Variants in THUMPD3 observed in about 807,000 individuals in gnomAD.
THUMPD3 encodes THUMP domain 3 tRNA guanosine methyltransferase.
Under a neutral mutation model 54.5 loss-of-function variants are expected in THUMPD3, and 44 were observed. The observed-to-expected ratio is 0.81, with a 90% CI of 0.63 to 1.04. The LOEUF is 1.04. Among genes scored for constraint, THUMPD3 ranks in the 50% least tolerant of loss-of-function variants. The pLI is 0.00. For missense variants in THUMPD3, 604 were observed against 601.3 expected (o/e 1.00, Z -0.05); for synonymous variants, 196 against 201.4 (o/e 0.97, Z 0.23).
Position 9,384,336 on chromosome 3 carries a change from G to T in THUMPD3, c.1359+1G>T, listed in dbSNP as rs1029977423. ...TCAAGACACAAAATGCTTTACCAAG[G>T]TGCTATACACATTAGCTCAAAATCG... On this transcript the variant is annotated splice_donor_variant, in intron 9 of 9. Transcript: ENST00000452837. LOFTEE classifies it high-confidence loss of function. 3 of 1,612,504 alleles carry T rather than the reference G, an allele frequency of 1.9e-6. No individual in the cohort carries two copies. Among genetic ancestry groups the T allele is most frequent in the Admixed American group, 1.7e-5 (1 of 59,630 alleles).
At chr3:9,378,274 A>G (rs559140030) in intron 6 of THUMPD3, among the ~76,000 whole-genome samples, 1 of 152,350 alleles carries the variant, frequency 6.6e-6, no homozygotes, top group African/African-American at 2.4e-5. Context: ...CCTAGAGGGA[A>G]TAAGTATAGT....
chr3:9,379,958 G>T (rs575365135), intron 6 of THUMPD3, among the ~76,000 whole-genome samples: 226 of 152,204 alleles, frequency 1.5e-3, no homozygotes, highest in African/African-American at 5.0e-3. Context: ...CCAAAGTGCT[G>T]GGATTTCAGG....
chr3:9,381,976 GT>G (rs745676510), intron 7 of THUMPD3, among the ~76,000 whole-genome samples: 1 of 150,984 alleles, frequency 6.6e-6, no homozygotes, highest in Admixed American at 6.6e-5. Flanking sequence ...GTAGAGACGG[GT>G]TTTCACCATG....
Position 9,377,866 on chromosome 3 carries a change from G to A in THUMPD3, c.986G>A (p.Gly329Glu). ...GATATAATAGTCGATCCAATGTGTG[G>A]AACTGGGGCAATACCAATAGAGGTA... ...PYDIIVDPMC[G>E]TGAIPIEGAT... Residue 329 changes from glycine (G) to glutamate (E), a missense_variant, in exon 6 of 10, where the codon GGA becomes GAA. Gly to Glu is a moderately conservative substitution (Grantham distance 98). Coordinates refer to ENST00000452837, the MANE Select transcript of THUMPD3 (RefSeq NM_001114092.2). 2 of 1,613,290 alleles carry A rather than the reference G, an allele frequency of 1.2e-6. No homozygotes were observed. The highest frequency in any genetic ancestry group is 1.7e-6 in the Non-Finnish European group (2 of 1,179,374).
At chr3:9,380,268 G>C (rs982951344) in intron 6 of THUMPD3, among the ~76,000 whole-genome samples, 1 of 152,132 alleles carries the variant, frequency 6.6e-6, no homozygotes, top group Non-Finnish European at 1.5e-5. Flanking sequence ...ACTGCTTGGA[G>C]AGTTAAGGTT....
chr3:9,380,776 A>C, intron 7 of THUMPD3, 158 bp downstream of exon 7: 1 of 457,414 alleles, frequency 2.2e-6, no homozygotes, highest in Non-Finnish European at 3.8e-6. Context: ...TATTGAAAAT[A>C]AGTTATATTT....
chr3:9,374,445 A>C (rs1181998398), intron 4 of THUMPD3, 71 bp from the exon 5 acceptor site: 4 of 1,569,208 alleles, frequency 2.5e-6, no homozygotes, highest in Non-Finnish European at 3.5e-6. Flanking sequence ...GGCCCAGGTC[A>C]GAAAAGTCTT....
At chr3:9,372,002 A>G (rs1229521333) in intron 4 of THUMPD3, among the ~76,000 whole-genome samples, 1 of 152,056 alleles carries the variant, frequency 6.6e-6, no homozygotes, top group Non-Finnish European at 1.5e-5. Context: ...CAGCCTCCCA[A>G]GTAGCTGGGG....
rs1323915416 is a variant in THUMPD3, at chr3:9,385,827, G to T, written c.*1139G>T. ...GGAAAACTTTTAATTTGGGAGTTAT[G>T]TGAGTTGTTACTTTCTCCTGGATCA... On this transcript the variant is annotated 3_prime_UTR_variant, in exon 10 of 10. Transcript: ENST00000452837. The T allele has an allele frequency of 6.6e-6, 1 of 152,196 alleles. No individual in the cohort carries two copies. The highest frequency in any genetic ancestry group is 1.5e-5 in the Non-Finnish European group (1 of 68,032). The allele number at this position is 152,196 out of a possible 1,614,324, so 9.4% of individuals were successfully genotyped here. A position where few individuals can be genotyped will look rare whatever the true frequency, so the allele number is the denominator to read the frequency against.
rs188108954 is a variant in THUMPD3, at chr3:9,379,608, G to T, written c.1009-895G>T. On this transcript the variant is annotated intron_variant, in intron 6 of 9. Transcript: ENST00000452837. ...GACAGCTTGGTATTTATGTTCTGCT[G>T]ACAGGTTTTTTATTTATAATTACAA... 3.5e-3 allele frequency among the ~76,000 whole-genome samples: 531 copies of T among 152,284 alleles called. 3 individuals carry two copies. Among genetic ancestry groups the T allele is most frequent in the African/African-American group, 0.012 (503 of 41,542 alleles).
intron 5 of THUMPD3, among the ~76,000 whole-genome samples, chr3:9,375,149 G>T (rs548818422): frequency 6.6e-6 from 1 of 152,126 alleles, no homozygotes; most frequent in Non-Finnish European, 1.5e-5. Context: ...AAGCCACCGC[G>T]CCCGGTTTTC....
At chr3:9,374,725 A>G (rs552422801) in intron 5 of THUMPD3, 79 bp downstream of exon 5, 2 of 1,518,512 alleles carry the variant, frequency 1.3e-6, no homozygotes, top group Middle Eastern at 1.7e-4. Context: ...ATTTGTGTGT[A>G]TGTGTGTTTG....
chr3:9,366,575 T>C (rs990702869), intron 2 of THUMPD3, among the ~76,000 whole-genome samples: 1 of 152,208 alleles, frequency 6.6e-6, no homozygotes, highest in African/African-American at 2.4e-5. Context: ...TTTTAACCAT[T>C]GCAGCATACA....
At chr3:9,372,659 G>A (rs2125318318) in intron 4 of THUMPD3, among the ~76,000 whole-genome samples, 1 of 152,032 alleles carries the variant, frequency 6.6e-6, no homozygotes, top group Non-Finnish European at 1.5e-5. Flanking sequence ...TCATCCTAGA[G>A]TCAGCTCTCC....
At chr3:9,374,469 G>T in intron 4 of THUMPD3, 47 bp from the exon 5 acceptor site, 1 of 1,603,234 alleles carries the variant, frequency 6.2e-7, no homozygotes, top group South Asian at 1.1e-5. Context: ...ACTAAGCGCA[G>T]TTTGAACAAT....
chr3:9,372,216 A>G (rs1273584698), intron 4 of THUMPD3, among the ~76,000 whole-genome samples: 2 of 152,224 alleles, frequency 1.3e-5, no homozygotes, highest in Non-Finnish European at 2.9e-5. Flanking sequence ...ATATTATAAA[A>G]TTCAACCAGA....
intron 4 of THUMPD3, among the ~76,000 whole-genome samples, chr3:9,373,182 C>T (rs1416440816): frequency 2.6e-5 from 4 of 151,962 alleles, no homozygotes; most frequent in South Asian, 2.1e-4. Flanking sequence ...TTTCTGGAGC[C>T]GTGCTGCATT....
In THUMPD3 at chr3:9,374,592, T is replaced by C. The variant is rs575008008; in HGVS notation, c.884T>C (p.Ile295Thr). Residue 295 changes from isoleucine (I) to threonine (T), a missense_variant, in exon 5 of 10, where the codon ATA becomes ACA. By Grantham distance (89) the Ile-to-Thr change is moderately conservative. Coordinates refer to ENST00000452837, the MANE Select transcript of THUMPD3 (RefSeq NM_001114092.2). The stretch of plus-strand genomic sequence containing the variant: ...GAAGAGAGTCTCCACCGAAGAAATA[T>C]AACACATTTTGGACCTACAACTCTT... ...LTEESLHRRN[I>T]THFGPTTLRS... 10 of 1,614,056 alleles carry C rather than the reference T, an allele frequency of 6.2e-6. No homozygotes were observed. Among genetic ancestry groups the C allele is most frequent in the Admixed American group, 5.0e-5 (3 of 60,006 alleles).
In THUMPD3 at chr3:9,374,664, C is replaced by T. The variant is rs773879579; in HGVS notation, c.938+18C>T. 13 of 1,611,808 alleles carry T rather than the reference C, an allele frequency of 8.1e-6. 1 individual carries two copies. The South Asian group carries it at 1.3e-4, about 16-fold the overall frequency. ...ATGCTCAGGTAAGAAAATGAGTTTG[C>T]CATCCAGCTTAAAGTGGCACCTTGG... On this transcript the variant is annotated intron_variant, in intron 5 of 9. Coordinates refer to ENST00000452837, the MANE Select transcript of THUMPD3 (RefSeq NM_001114092.2).
Sources: gnomAD v4.1 joint callset for allele counts (sites outside exome capture counted in the v4.1 genomes callset) on GRCh38, gnomAD v4.1.1 for gene constraint, MANE v1.5 for transcripts, NCBI Gene and HGNC (gene_info 2026-07-23, HGNC 2026-07-21) for gene names.